KRABD5: variants seen among roughly 807,000 people sequenced by gnomAD.
The protein encoded by KRABD5 is KRAB domain-containing protein 5.
At chr16:31,728,808 A>G in the KRABD5 span, among the ~76,000 whole-genome samples, 2 of 152,186 alleles carry the variant, frequency 1.3e-5, no homozygotes, top group East Asian at 3.8e-4. Context: ...CATTTAGTCT[A>G]TAGTGTTATA....
At chr16:31,715,356 A>G in the KRABD5 span, among the ~76,000 whole-genome samples, 2 of 152,162 alleles carry the variant, frequency 1.3e-5, no homozygotes, top group Non-Finnish European at 2.9e-5. Context: ...CAGGAAGAAG[A>G]TTCTTTGCAG....
the KRABD5 span, among the ~76,000 whole-genome samples, chr16:31,743,891 A>G: frequency 6.6e-6 from 1 of 152,116 alleles, no homozygotes; most frequent in Admixed American, 6.6e-5. Flanking sequence ...GCAATTGTGA[A>G]TGGGAGTTTA....
the KRABD5 span, among the ~76,000 whole-genome samples, chr16:31,741,245 C>G: frequency 6.6e-6 from 1 of 152,078 alleles, no homozygotes; most frequent in Non-Finnish European, 1.5e-5. Flanking sequence ...CATGTTTTTG[C>G]TATTGTGAAT....
chr16:31,760,919 G>A, the KRABD5 span: 2 of 152,090 alleles, frequency 1.3e-5, no homozygotes, highest in African/African-American at 4.8e-5. Context: ...CAGAAGCATT[G>A]TCCAAAGGAG....
the KRABD5 span, among the ~76,000 whole-genome samples, chr16:31,732,473 A>G: frequency 3.9e-5 from 6 of 152,358 alleles, no homozygotes; most frequent in East Asian, 1.2e-3. Flanking sequence ...CATATTTATT[A>G]ATATGTTTGA....
At chr16:31,757,193 G>A in the KRABD5 span, 1 of 152,194 alleles carries the variant, frequency 6.6e-6, no homozygotes, top group Non-Finnish European at 1.5e-5. Flanking sequence ...CTGTCCAGGT[G>A]TGGTGGCTCA....
chr16:31,753,984 G>C, the KRABD5 span: 7 of 1,504,266 alleles, frequency 4.7e-6, no homozygotes, highest in South Asian at 6.0e-5. Flanking sequence ...CACTGTTACA[G>C]GAGGTCAAAA....
At chr16:31,735,007 G>A in the KRABD5 span, among the ~76,000 whole-genome samples, 10 of 152,000 alleles carry the variant, frequency 6.6e-5, no homozygotes, top group South Asian at 1.0e-3. Flanking sequence ...TCTTGGCCTC[G>A]CAAAGTGCTG....
chr16:31,728,309 C>A, the KRABD5 span, among the ~76,000 whole-genome samples: 1 of 151,952 alleles, frequency 6.6e-6, no homozygotes, highest in East Asian at 1.9e-4. Flanking sequence ...TGTTCTAATT[C>A]TTACTATTTT....
chr16:31,749,612 G>A, the KRABD5 span, among the ~76,000 whole-genome samples: 2 of 152,212 alleles, frequency 1.3e-5, no homozygotes, highest in African/African-American at 4.8e-5. Flanking sequence ...CGATCCGTGG[G>A]TTGCACAGTT....
At chr16:31,739,695 A>G in the KRABD5 span, among the ~76,000 whole-genome samples, 1 of 152,184 alleles carries the variant, frequency 6.6e-6, no homozygotes, top group South Asian at 2.1e-4. Flanking sequence ...AAATTGGCCT[A>G]TTGGGAACAG....
At chr16:31,718,923 A>G in the KRABD5 span, among the ~76,000 whole-genome samples, 1 of 152,212 alleles carries the variant, frequency 6.6e-6, no homozygotes, top group Admixed American at 6.5e-5. Flanking sequence ...AAGGAAAGGA[A>G]TGCATCATCC....
At chr16:31,748,580 G>T in the KRABD5 span, among the ~76,000 whole-genome samples, 2 of 152,252 alleles carry the variant, frequency 1.3e-5, no homozygotes, top group Middle Eastern at 6.8e-3. Flanking sequence ...CCCATCTTGT[G>T]AGGCCTACTT....
At chr16:31,753,992 A>G in the KRABD5 span, 1 of 1,416,944 alleles carries the variant, frequency 7.1e-7, no homozygotes, top group Non-Finnish European at 9.8e-7. Context: ...CAGGAGGTCA[A>G]AAACATGAAA....
At chr16:31,719,914 A>G in the KRABD5 span, among the ~76,000 whole-genome samples, 2 of 152,310 alleles carry the variant, frequency 1.3e-5, no homozygotes, top group East Asian at 1.9e-4. Context: ...AATCCTTAAG[A>G]ACTAAACTTC....
At chr16:31,733,050 G>A in the KRABD5 span, among the ~76,000 whole-genome samples, 1 of 151,034 alleles carries the variant, frequency 6.6e-6, no homozygotes, top group Non-Finnish European at 1.5e-5. Context: ...TTGTATTTTT[G>A]CTTTTCAACC....
the KRABD5 span, among the ~76,000 whole-genome samples, chr16:31,753,559 T>C: frequency 6.6e-6 from 1 of 152,234 alleles, no homozygotes; most frequent in Non-Finnish European, 1.5e-5. Context: ...CTTGGCTTTG[T>C]GTTCACCTAG....
At chr16:31,715,162 G>A in the KRABD5 span, among the ~76,000 whole-genome samples, 6 of 152,174 alleles carry the variant, frequency 3.9e-5, no homozygotes, top group African/African-American at 1.4e-4. Context: ...CAGGCTGTGG[G>A]TGGGACAAAC....
the KRABD5 span, among the ~76,000 whole-genome samples, chr16:31,731,988 G>C: frequency 4.6e-5 from 7 of 152,258 alleles, 1 homozygote; most frequent in Admixed American, 4.6e-4. Flanking sequence ...ACAAGACCAG[G>C]ATCTTCAGGC....
Sources: gnomAD v4.1 joint callset for allele counts (sites outside exome capture counted in the v4.1 genomes callset) on GRCh38, gnomAD v4.1.1 for gene constraint, MANE v1.5 for transcripts, NCBI Gene and HGNC (gene_info 2026-07-23, HGNC 2026-07-21) for gene names.